The following SVIP variants were observed in gnomAD, a reference collection of about 807,000 sequenced individuals.
SVIP encodes the protein small VCP interacting protein.
SVIP carries 14 observed loss-of-function variants against 12.9 expected under a neutral mutation model. The ratio of observed to expected loss-of-function variants is 1.08; its 90% CI spans 0.72 to 1.70. SVIP has a LOEUF of 1.70. SVIP is among the 40% of genes most tolerant of loss of function. The pLI is 0.00. For synonymous variants in SVIP, 35 were observed against 33.3 expected (o/e 1.05, Z -0.17); for missense variants, 93 against 90.8 (o/e 1.02, Z -0.10).
At chr11:22,825,450 C>T (rs927092596) in intron 3 of SVIP, among the ~76,000 whole-genome samples, 6 of 152,078 alleles carry the variant, frequency 3.9e-5, no homozygotes, top group Non-Finnish European at 8.8e-5. Flanking sequence ...TCACAGTGGA[C>T]AACAGCAGTG....
rs1035672063 is a variant in SVIP, at chr11:22,821,554, T to C, written c.*1565A>G. ...TGCTATATTAAAATGGAAGAAAGGA[T>C]TTGCAGAGTTCAAGGATGATATGCT... On this transcript the variant is annotated 3_prime_UTR_variant, in exon 4 of 4. Transcript: ENST00000354193. The C allele has an allele frequency of 1.3e-5, 2 of 152,132 alleles. No individual in the cohort carries two copies. The highest frequency in any genetic ancestry group is 2.9e-5 in the Non-Finnish European group (2 of 68,014). 9.4% of individuals were successfully genotyped at this position (152,132 alleles called of 1,614,324 possible).
rs890127489 is a variant in SVIP, at chr11:22,820,926, T to C, written c.*2193A>G. The C allele has an allele frequency of 5.9e-5, 9 of 151,900 alleles. No homozygotes were observed. The highest frequency in any genetic ancestry group is 7.4e-5 in the Non-Finnish European group (5 of 67,976). 9.4% of individuals were successfully genotyped at this position (151,900 alleles called of 1,614,324 possible). A position where few individuals can be genotyped will look rare whatever the true frequency, so the allele number is the denominator to read the frequency against. ...AATAGGTCAGGGGTTTGAGCAACAT[T>C]TTAAGCATTATAATTTTCTCCTAAA... On this transcript the variant is annotated 3_prime_UTR_variant, in exon 4 of 4. Coordinates refer to ENST00000354193, the MANE Select transcript of SVIP (RefSeq NM_148893.3).
At chr11:22,829,121 G>A (rs1245963779) in intron 1 of SVIP, 1 of 152,016 alleles carries the variant, frequency 6.6e-6, no homozygotes, top group Admixed American at 6.6e-5. Flanking sequence ...TATTAAATAC[G>A]ACATTATAAA....
intron 3 of SVIP, 121 bp downstream of exon 3, chr11:22,827,086 C>T (rs1857737612): frequency 1.3e-6 from 1 of 747,088 alleles, no homozygotes. Flanking sequence ...ACTACTCATG[C>T]TTTTAAACTA....
At position 22,823,093 on chromosome 11, in the gene SVIP, G is replaced by A; in HGVS notation, c.*26C>T. On this transcript the variant is annotated 3_prime_UTR_variant, in exon 4 of 4. Coordinates refer to ENST00000354193, the MANE Select transcript of SVIP (RefSeq NM_148893.3). Reference sequence around the variant, plus strand: ...TGCAGATAATAAACAGTTATTGGCAGTAGATTCTTCTACTCATGTTATGCT... The same window carrying A: ...TGCAGATAATAAACAGTTATTGGCAATAGATTCTTCTACTCATGTTATGCT... 2.5e-6 allele frequency: 4 copies of A among 1,574,578 alleles called. No individual in the cohort carries two copies. Among genetic ancestry groups the A allele is most frequent in the Non-Finnish European group, 3.4e-6 (4 of 1,159,590 alleles).
chr11:22,828,711 A>C (rs1857821631), intron 1 of SVIP, among the ~76,000 whole-genome samples: 1 of 152,106 alleles, frequency 6.6e-6, no homozygotes, highest in South Asian at 2.1e-4. Context: ...CCAGAACAAC[A>C]AAATCAACTT....
rs1857413875 is a variant in SVIP, at chr11:22,819,521, C to T, written c.*3598G>A. 1 of 152,288 alleles carries T rather than the reference C, an allele frequency of 6.6e-6. No homozygotes were observed. Among genetic ancestry groups the T allele is most frequent in the Non-Finnish European group, 1.5e-5 (1 of 68,128 alleles). The allele number at this position is 152,288 out of a possible 1,614,324, so 9.4% of individuals were successfully genotyped here. Reference sequence around the variant, plus strand: ...GCGCGGTGGCTCATGCCTGTAATCCCAGCACTTTGGGAGGCCAAGGCGGCA... The same window carrying T: ...GCGCGGTGGCTCATGCCTGTAATCCTAGCACTTTGGGAGGCCAAGGCGGCA... On this transcript the variant is annotated 3_prime_UTR_variant, in exon 4 of 4. Coordinates refer to ENST00000354193, the MANE Select transcript of SVIP (RefSeq NM_148893.3).
chr11:22,829,590 G>A, intron 1 of SVIP, 105 bp downstream of exon 1: 1 of 1,204,844 alleles, frequency 8.3e-7, no homozygotes, highest in South Asian at 1.4e-5. Flanking sequence ...TCCCCCAGCG[G>A]GCTCTCGACC....
chr11:22,829,104 G>C (rs1857841400), intron 1 of SVIP, among the ~76,000 whole-genome samples: 1 of 152,092 alleles, frequency 6.6e-6, no homozygotes, highest in African/African-American at 2.4e-5. Context: ...TGGGTGTCCA[G>C]TATTTTTATT....
At chr11:22,827,799 G>C in intron 2 of SVIP, 25 bp downstream of exon 2, 1 of 1,560,148 alleles carries the variant, frequency 6.4e-7, no homozygotes. Context: ...TATCTAAGTA[G>C]GCAAAACTTG....
rs1054698079 is a variant in SVIP, at chr11:22,819,555, C to G, written c.*3564G>C. 1 of 152,264 alleles carries G rather than the reference C, an allele frequency of 6.6e-6. No individual in the cohort carries two copies. The highest frequency in any genetic ancestry group is 2.4e-5 in the African/African-American group (1 of 41,454). 9.4% of individuals were successfully genotyped at this position (152,264 alleles called of 1,614,324 possible). A position where few individuals can be genotyped will look rare whatever the true frequency, so the allele number is the denominator to read the frequency against. ...GGGAGGCCAAGGCGGCAGGGATCAC[C>G]TGAGGTCAGGAGTTCGAGACCAGCC... is the stretch of plus-strand genomic sequence containing the variant. On this transcript the variant is annotated 3_prime_UTR_variant, in exon 4 of 4. Coordinates refer to ENST00000354193, the MANE Select transcript of SVIP (RefSeq NM_148893.3).
At position 22,820,732 on chromosome 11, in the gene SVIP, G is replaced by A. The variant is rs1227645067; in HGVS notation, c.*2387C>T. On this transcript the variant is annotated 3_prime_UTR_variant, in exon 4 of 4. Coordinates refer to ENST00000354193, the MANE Select transcript of SVIP (RefSeq NM_148893.3). ...GCAGTGGAACAAACAGAAACACAGA[G>A]ATGTTTTAAAAAACATGCAGCACGT... 1 of 152,082 alleles carries A rather than the reference G, an allele frequency of 6.6e-6. No individual in the cohort carries two copies. Among genetic ancestry groups the A allele is most frequent in the Admixed American group, 6.5e-5 (1 of 15,278 alleles). The allele number at this position is 152,082 out of a possible 1,614,324, so 9.4% of individuals were successfully genotyped here.
At position 22,819,436 on chromosome 11, in the gene SVIP, A is replaced by C. The variant is rs1010114391; in HGVS notation, c.*3683T>G. ...GATCAAACCTGTTTTGATAACTAGAAGACATTAACTCAAAACTCAACACAA... is the reference window on the plus strand; with the variant it reads ...GATCAAACCTGTTTTGATAACTAGACGACATTAACTCAAAACTCAACACAA... On this transcript the variant is annotated 3_prime_UTR_variant, in exon 4 of 4. Transcript: ENST00000354193. The C allele has an allele frequency of 1.3e-5, 2 of 152,216 alleles. No homozygotes were observed. The highest frequency in any genetic ancestry group is 2.4e-5 in the African/African-American group (1 of 41,456). 9.4% of individuals were successfully genotyped at this position (152,216 alleles called of 1,614,324 possible). A position where few individuals can be genotyped will look rare whatever the true frequency, so the allele number is the denominator to read the frequency against.
intron 3 of SVIP, 30 bp downstream of exon 3, chr11:22,827,177 G>A (rs1857741972): frequency 1.3e-6 from 2 of 1,533,438 alleles, no homozygotes; most frequent in Non-Finnish European, 9.0e-7. Flanking sequence ...TGCCAGTTAA[G>A]TTAATCACTA....
rs961102267 is a variant in SVIP, at chr11:22,822,512, A to G, written c.*607T>C. ...AAAATCCTTTATCATAAAGTAAAAC[A>G]GGGTATGTTAATTTTATAAGCTACA... On this transcript the variant is annotated 3_prime_UTR_variant, in exon 4 of 4. Coordinates refer to ENST00000354193, the MANE Select transcript of SVIP (RefSeq NM_148893.3). The G allele has an allele frequency of 2.0e-5, 3 of 152,178 alleles. No homozygotes were observed. The highest frequency in any genetic ancestry group is 2.0e-4 in the Admixed American group (3 of 15,288). The allele number at this position is 152,178 out of a possible 1,614,324, so 9.4% of individuals were successfully genotyped here.
chr11:22,824,450 A>ATATATATGTATATATATACG (rs1857604889), intron 3 of SVIP, among the ~76,000 whole-genome samples: 1 of 100,140 alleles, frequency 1.0e-5, no homozygotes, highest in African/African-American at 3.0e-5. Flanking sequence ...ACACACATAT[A>ATATATATGTATATATATACG]TATATATATA....
intron 3 of SVIP, among the ~76,000 whole-genome samples, chr11:22,824,180 A>G (rs1234170279): frequency 6.6e-6 from 1 of 152,128 alleles, no homozygotes; most frequent in African/African-American, 2.4e-5. Context: ...AAACACAACA[A>G]AACAAAAATT....
Position 22,821,387 on chromosome 11 carries a change from A to C in SVIP, c.*1732T>G, listed in dbSNP as rs1386134090. The C allele has an allele frequency of 6.6e-6, 1 of 151,986 alleles. No homozygotes were observed. The highest frequency in any genetic ancestry group is 1.5e-5 in the Non-Finnish European group (1 of 68,002). The allele number at this position is 151,986 out of a possible 1,614,324, so 9.4% of individuals were successfully genotyped here. ...TTTTCACGAAAAGTAATAGATCTGA[A>C]TATCATTCATGGTTAACAATAGATA... On this transcript the variant is annotated 3_prime_UTR_variant, in exon 4 of 4. Transcript: ENST00000354193.
Position 22,822,965 on chromosome 11 carries a change from A to G in SVIP, c.*154T>C. ...AGTCTAGCCATTCTCTAAGCTTGAA[A>G]ATCAACGTTTTTTTAGCATTGCACT... On this transcript the variant is annotated 3_prime_UTR_variant, in exon 4 of 4. Transcript: ENST00000354193. The G allele has an allele frequency of 1.6e-6, 1 of 610,624 alleles. No individual in the cohort carries two copies. The highest frequency in any genetic ancestry group is 2.7e-6 in the Non-Finnish European group (1 of 371,510). 37.8% of individuals were successfully genotyped at this position (610,624 alleles called of 1,614,324 possible).
Sources: allele counts gnomAD v4.1 joint callset (sites outside exome capture counted in the v4.1 genomes callset), GRCh38; gene constraint gnomAD v4.1.1; transcripts MANE v1.5; gene names NCBI Gene and HGNC (gene_info 2026-07-23, HGNC 2026-07-21).